RNGTT: variants seen among roughly 807,000 people sequenced by gnomAD.
RNGTT encodes RNA guanylyltransferase and 5'-phosphatase, also known as mRNA-capping enzyme.
In RNGTT, 33 loss-of-function variants were observed where a neutral mutation model predicts 79.3. That is an observed-to-expected ratio of 0.42 (90% CI 0.32 to 0.56). The LOEUF is 0.56. Ranked by LOEUF, RNGTT falls within the 20% of genes least tolerant of loss-of-function variation. RNGTT has a pLI of 0.17. For missense variants in RNGTT, 497 were observed against 739.1 expected (o/e 0.67, Z 3.80); for synonymous variants, 222 against 235.9 (o/e 0.94, Z 0.54).
intron 13 of RNGTT, among the ~76,000 whole-genome samples, chr6:88,761,303 A>G (rs969849059): frequency 2.6e-5 from 4 of 151,944 alleles, no homozygotes; most frequent in African/African-American, 9.7e-5. Context: ...CAGCCTGGCC[A>G]ACACTGTGAA....
At chr6:88,953,915 A>C (rs1203758103) in intron 1 of RNGTT, among the ~76,000 whole-genome samples, 1 of 152,246 alleles carries the variant, frequency 6.6e-6, no homozygotes, top group African/African-American at 2.4e-5. Context: ...TCAGATAAAC[A>C]AATGCTGAGA....
intron 8 of RNGTT, among the ~76,000 whole-genome samples, chr6:88,887,834 G>A (rs1438143788): frequency 3.3e-5 from 5 of 152,202 alleles, no homozygotes; most frequent in Admixed American, 6.5e-5. Context: ...GAGTATATAA[G>A]GCCAGATGTG....
chr6:88,640,173 T>C (rs1424676887), intron 14 of RNGTT, among the ~76,000 whole-genome samples: 1 of 152,174 alleles, frequency 6.6e-6, no homozygotes, highest in Non-Finnish European at 1.5e-5. Flanking sequence ...TCAAAGTACT[T>C]GGCACATAAA....
chr6:88,772,797 A>C (rs959029154), intron 12 of RNGTT, among the ~76,000 whole-genome samples: 4 of 151,706 alleles, frequency 2.6e-5, no homozygotes, highest in African/African-American at 9.7e-5. Flanking sequence ...TTAGAATGGC[A>C]ATCATTAAAA....
At chr6:88,879,812 G>C (rs1000786865) in intron 8 of RNGTT, among the ~76,000 whole-genome samples, 1 of 152,128 alleles carries the variant, frequency 6.6e-6, no homozygotes. Context: ...AAGATGTAAA[G>C]ACTGTCTTTT....
intron 11 of RNGTT, among the ~76,000 whole-genome samples, chr6:88,813,172 C>G (rs1780198247): frequency 6.6e-6 from 1 of 152,194 alleles, no homozygotes; most frequent in African/African-American, 2.4e-5. Context: ...TAAAACCTGG[C>G]TGAAATCAAC....
chr6:88,621,794 T>A (rs1355648545), intron 14 of RNGTT, among the ~76,000 whole-genome samples: 1 of 152,090 alleles, frequency 6.6e-6, no homozygotes, highest in South Asian at 2.1e-4. Flanking sequence ...TGAAACTTAG[T>A]TGTTACCTGA....
chr6:88,664,886 A>G (rs1774338153), intron 14 of RNGTT, among the ~76,000 whole-genome samples: 2 of 152,026 alleles, frequency 1.3e-5, no homozygotes, highest in African/African-American at 2.4e-5. Flanking sequence ...AGTAGTGACC[A>G]CCCCGGTCGC....
intron 1 of RNGTT, among the ~76,000 whole-genome samples, chr6:88,951,094 G>A (rs1054833467): frequency 6.6e-6 from 1 of 152,036 alleles, no homozygotes; most frequent in Non-Finnish European, 1.5e-5. Flanking sequence ...CCTGACCTCA[G>A]GTGATCCGCC....
intron 13 of RNGTT, among the ~76,000 whole-genome samples, chr6:88,690,009 GC>G (rs1316225746): frequency 1.3e-5 from 2 of 151,982 alleles, no homozygotes; most frequent in Non-Finnish European, 2.9e-5. Context: ...ACTGAGAAAA[GC>G]ACTATTTTCA....
At chr6:88,796,264 T>C (rs943493078) in intron 12 of RNGTT, among the ~76,000 whole-genome samples, 1 of 152,188 alleles carries the variant, frequency 6.6e-6, no homozygotes, top group East Asian at 1.9e-4. Context: ...AAAGTATATA[T>C]GTGGATCATA....
intron 14 of RNGTT, among the ~76,000 whole-genome samples, chr6:88,645,577 G>A (rs1353342763): frequency 6.6e-6 from 1 of 152,188 alleles, no homozygotes; most frequent in Admixed American, 6.5e-5. Context: ...CAAAGCTGGA[G>A]GCATCACGCT....
intron 12 of RNGTT, among the ~76,000 whole-genome samples, chr6:88,801,206 T>C (rs118144373): frequency 6.6e-5 from 10 of 152,294 alleles, no homozygotes; most frequent in African/African-American, 2.2e-4. Context: ...TACATAAAAG[T>C]ATACCAAGTT....
intron 12 of RNGTT, among the ~76,000 whole-genome samples, chr6:88,795,918 A>G (rs1779587960): frequency 6.6e-6 from 1 of 152,178 alleles, no homozygotes; most frequent in Non-Finnish European, 1.5e-5. Flanking sequence ...ATCTATCATT[A>G]CACAGAGAAT....
At chr6:88,918,431 A>G (rs1032256977) in intron 4 of RNGTT, among the ~76,000 whole-genome samples, 5 of 152,200 alleles carry the variant, frequency 3.3e-5, no homozygotes, top group African/African-American at 1.2e-4. Flanking sequence ...TCAGCTGAGA[A>G]AGGGAAGAGG....
intron 14 of RNGTT, among the ~76,000 whole-genome samples, chr6:88,660,377 C>T (rs1270947808): frequency 6.6e-6 from 1 of 152,030 alleles, no homozygotes; most frequent in African/African-American, 2.4e-5. Context: ...GGATAAAAAT[C>T]CACCAACCAA....
rs183661434 is a variant in RNGTT at position 88,698,871 on chromosome 6, T to C, written c.1440-20452A>G. On this transcript the variant is annotated intron_variant, in intron 13 of 15. Coordinates refer to ENST00000369485, the MANE Select transcript of RNGTT (RefSeq NM_003800.5). ...TTCAAGGCAAAGTTCTAGAATCTCA[T>C]GTGCTGAGCTGATAACAGGAGAAAG... Among the ~76,000 whole-genome samples, 7 of 152,300 alleles carry C rather than the reference T, an allele frequency of 4.6e-5. No homozygotes were observed. In the East Asian group the frequency reaches 1.2e-3, roughly 25 times the overall value.
chr6:88,879,524 C>T (rs1426310380), intron 8 of RNGTT, among the ~76,000 whole-genome samples: 1 of 152,104 alleles, frequency 6.6e-6, no homozygotes, highest in African/African-American at 2.4e-5. Context: ...TTTGTTAGGG[C>T]ACATGTAGTA....
intron 8 of RNGTT, among the ~76,000 whole-genome samples, chr6:88,866,378 A>C (rs1782165048): frequency 6.6e-6 from 1 of 152,160 alleles, no homozygotes; most frequent in Admixed American, 6.6e-5. Context: ...AAACCAGACT[A>C]GATTCACAGA....
Sources: gnomAD v4.1 joint callset for allele counts (sites outside exome capture counted in the v4.1 genomes callset) on GRCh38, gnomAD v4.1.1 for gene constraint, MANE v1.5 for transcripts, NCBI Gene and HGNC (gene_info 2026-07-23, HGNC 2026-07-21) for gene names.